The following ZNF791 variants were observed in gnomAD, a reference collection of about 807,000 sequenced individuals.
ZNF791 encodes zinc finger protein 791.
A neutral mutation model predicts 11.5 loss-of-function variants in ZNF791; 4 were observed. That is an observed-to-expected ratio of 0.35 (90% CI 0.17 to 0.80). The LOEUF (loss-of-function observed/expected upper bound fraction) is 0.80. ZNF791 is among the 30% of genes least tolerant of loss of function. ZNF791 has a pLI of 0.53. For synonymous variants in ZNF791, 212 were observed against 228.1 expected (o/e 0.93, Z 0.64); for missense variants, 559 against 699.4 (o/e 0.80, Z 2.26).
chr19:12,624,411 C>T (rs1172663179), intron 2 of ZNF791, among the ~76,000 whole-genome samples: 1 of 152,064 alleles, frequency 6.6e-6, no homozygotes, highest in Non-Finnish European at 1.5e-5. Context: ...CCTCAGCCTC[C>T]CAAAGTGTGG....
chr19:12,621,561 CTG>C (rs2145186538), intron 1 of ZNF791, among the ~76,000 whole-genome samples: 1 of 151,836 alleles, frequency 6.6e-6, no homozygotes, highest in African/African-American at 2.4e-5. Flanking sequence ...TCAGCAGAAT[CTG>C]AGTGCTTCTG....
chr19:12,616,176 AT>A, intron 1 of ZNF791, among the ~76,000 whole-genome samples: 1 of 152,216 alleles, frequency 6.6e-6, no homozygotes. Flanking sequence ...TTAGTGACAT[AT>A]AATTGAGCAT....
intron 1 of ZNF791, among the ~76,000 whole-genome samples, chr19:12,615,958 A>G (rs1044315870): frequency 2.0e-5 from 3 of 152,120 alleles, no homozygotes; most frequent in African/African-American, 7.2e-5. Context: ...AAGGAATGTG[A>G]TTGCATGGTC....
intron 1 of ZNF791, among the ~76,000 whole-genome samples, chr19:12,614,296 C>G (rs901527034): frequency 6.6e-6 from 1 of 152,030 alleles, no homozygotes; most frequent in Non-Finnish European, 1.5e-5. Context: ...TGCAGTGGCA[C>G]GATCTCGGCT....
At chr19:12,623,857 T>C in intron 2 of ZNF791, 31 bp downstream of exon 2, 1 of 857,988 alleles carries the variant, frequency 1.2e-6, no homozygotes, top group Non-Finnish European at 1.6e-6. Flanking sequence ...TCTTTTTTCT[T>C]TTTTTTTTTT....
chr19:12,621,714 C>CGCGGG (rs1555703243), intron 1 of ZNF791, among the ~76,000 whole-genome samples: 1 of 75,036 alleles, frequency 1.3e-5, no homozygotes, highest in South Asian at 3.1e-4. Context: ...ACCTCCACCT[C>CGCGGG]GGTGGGGGGT....
chr19:12,629,436 G>C lies in ZNF791; in HGVS notation c.*176G>C. The C allele has an allele frequency of 2.0e-6, 1 of 492,036 alleles. No homozygotes were observed. The highest frequency in any genetic ancestry group is 3.4e-6 in the Non-Finnish European group (1 of 292,114). 30.5% of individuals were successfully genotyped at this position (492,036 alleles called of 1,614,324 possible). ...CATAATCATGTTTCAGTCAGCAATG[G>C]ACCATATAGGTTGGTAGCCCCATAA... On this transcript the variant is annotated 3_prime_UTR_variant, in exon 4 of 4. Transcript: ENST00000343325.
chr19:12,621,444 C>T (rs1529472), intron 1 of ZNF791, among the ~76,000 whole-genome samples: 76,353 of 151,100 alleles, frequency 0.51, 22,088 homozygotes, highest in Non-Finnish European at 0.67. Flanking sequence ...ATATTACACA[C>T]ACAGCCGGGC....
chr19:12,625,834 G>C (rs1219395078), intron 3 of ZNF791, among the ~76,000 whole-genome samples: 2 of 151,264 alleles, frequency 1.3e-5, no homozygotes, highest in Non-Finnish European at 3.0e-5. Context: ...TTGTACTTGG[G>C]AACAGTTTTG....
intron 3 of ZNF791, 127 bp from the exon 4 acceptor site, chr19:12,627,594 C>T (rs866420960): frequency 1.4e-5 from 12 of 863,138 alleles, no homozygotes; most frequent in Middle Eastern, 2.8e-4. Context: ...CCATTGCACT[C>T]CAGCCTGGGG....
intron 1 of ZNF791, among the ~76,000 whole-genome samples, chr19:12,621,946 G>A (rs2023356339): frequency 8.1e-6 from 1 of 123,250 alleles, no homozygotes; most frequent in South Asian, 2.4e-4. Context: ...TTGAGAAATC[G>A]GATGGTTGCC....
chr19:12,623,874 G>GT, intron 2 of ZNF791, 48 bp downstream of exon 2: 1 of 948,384 alleles, frequency 1.1e-6, no homozygotes, highest in Non-Finnish European at 1.5e-6. Context: ...TTTTTTTGGG[G>GT]GGGGACAGAG....
At chr19:12,617,495 G>A (rs1298476065) in intron 1 of ZNF791, among the ~76,000 whole-genome samples, 1 of 152,018 alleles carries the variant, frequency 6.6e-6, no homozygotes, top group Non-Finnish European at 1.5e-5. Flanking sequence ...CCAAATATTT[G>A]ATGGTTTTCT....
chr19:12,628,929 C>T lies in ZNF791; in HGVS notation c.1400C>T (p.Pro467Leu). 1 of 1,613,790 alleles carries T rather than the reference C, an allele frequency of 6.2e-7. No individual in the cohort carries two copies. The highest frequency in any genetic ancestry group is 8.5e-7 in the Non-Finnish European group (1 of 1,179,918). The part of the protein sequence containing the change: ...THERTHTGEK[P>L]YECKQCGKAF... ...GAAAGAACTCACACTGGAGAGAAAC[C>T]CTATGAATGTAAACAATGTGGAAAA... The change falls in exon 4 of 4, where the codon CCC becomes CTC. Residue 467 changes from proline (P) to leucine (L), a missense_variant. By Grantham distance (98) the Pro-to-Leu change is moderately conservative. Coordinates refer to ENST00000343325, the MANE Select transcript of ZNF791 (RefSeq NM_153358.3).
rs763069902 is a variant in ZNF791 at position 12,623,788 on chromosome 19, A to G, written c.92A>G (p.Asp31Gly). The change falls in exon 2 of 4, where the codon GAT (aspartate) becomes GGT (glycine). Residue 31 changes from aspartate (D) to glycine (G), a missense_variant. Physicochemically the swap from Asp to Gly is moderately conservative, Grantham distance 94 (BLOSUM62 -1). Transcript: ENST00000343325. ...LAPSQKKLYR[D>G]VMQETFKNLA... is the part of the protein sequence containing the mutation. The stretch of plus-strand genomic sequence containing the variant: ...CCTTCACAGAAGAAACTCTACAGAG[A>G]TGTGATGCAGGAAACATTCAAGAAC... The G allele has an allele frequency of 1.3e-6, 2 of 1,597,890 alleles. No homozygotes were observed. The highest frequency in any genetic ancestry group is 1.7e-5 in the Admixed American group (1 of 58,678).
Position 12,628,546 on chromosome 19 carries a change from A to C in ZNF791, c.1017A>C (p.Ala339=). Residue 339 remains alanine, a synonymous_variant, in exon 4 of 4, where the codon GCA becomes GCC. Transcript: ENST00000343325. ...KCKECGKSFS[A]RPAFRVHVRV... Reference sequence around the variant, plus strand: ...AAGAATGTGGGAAATCTTTCAGTGCACGCCCAGCCTTTCGAGTACACGTGA... The same window carrying C: ...AAGAATGTGGGAAATCTTTCAGTGCCCGCCCAGCCTTTCGAGTACACGTGA... 1.2e-6 allele frequency: 2 copies of C among 1,602,460 alleles called. No individual in the cohort carries two copies. The highest frequency in any genetic ancestry group is 1.7e-6 in the Non-Finnish European group (2 of 1,174,712).
rs752785903 is a variant in ZNF791, at chr19:12,628,147, T to C, written c.618T>C (p.His206=). The change falls in exon 4 of 4, where the codon CAT becomes CAC. Residue 206 remains histidine, a synonymous_variant. Transcript: ENST00000343325. ...GTTGTTCCAGTTCGCTTCGAGTTCA[T>C]GAAAGGATTCACACTGGAGAAAAGC... ...ALSCSSSLRV[H]ERIHTGEKPY... is the part of the protein sequence containing the mutation. 2 of 1,614,072 alleles carry C rather than the reference T, an allele frequency of 1.2e-6. No homozygotes were observed. Among genetic ancestry groups the C allele is most frequent in the South Asian group, 2.2e-5 (2 of 91,076 alleles).
At chr19:12,627,412 A>G (rs1417229006) in intron 3 of ZNF791, among the ~76,000 whole-genome samples, 1 of 152,186 alleles carries the variant, frequency 6.6e-6, no homozygotes, top group Non-Finnish European at 1.5e-5. Context: ...AGATCACTTG[A>G]GGTCAGGAGT....
At position 12,627,755 on chromosome 19, in the gene ZNF791, G is replaced by C. The variant is rs746024791; in HGVS notation, c.226G>C (p.Glu76Gln). Residue 76 changes from glutamate (E) to glutamine (Q), a missense_variant, in exon 4 of 4, where the codon GAA becomes CAA. Transcript: ENST00000343325. Reference protein sequence around the residue: ...HTGERLCEGKEGSQCAENFSP... With the variant: ...HTGERLCEGKQGSQCAENFSP... The stretch of plus-strand genomic sequence containing the variant: ...GGGAGAGAGACTCTGTGAAGGTAAA[G>C]AAGGTAGTCAATGTGCAGAAAACTT... 1 of 1,613,940 alleles carries C rather than the reference G, an allele frequency of 6.2e-7. No homozygotes were observed. Among genetic ancestry groups the C allele is most frequent in the Non-Finnish European group, 8.5e-7 (1 of 1,179,826 alleles).
Sources: gnomAD v4.1 joint callset for allele counts (sites outside exome capture counted in the v4.1 genomes callset) on GRCh38, gnomAD v4.1.1 for gene constraint, MANE v1.5 for transcripts, NCBI Gene and HGNC (gene_info 2026-07-23, HGNC 2026-07-21) for gene names.